NDUFA7: variants seen among roughly 807,000 people sequenced by gnomAD.
NDUFA7 encodes NADH:ubiquinone oxidoreductase subunit A7.
Under a neutral mutation model 14.2 loss-of-function variants are expected in NDUFA7, and 18 were observed. That is an observed-to-expected ratio of 1.27 (90% CI 0.88 to 1.88). The LOEUF (loss-of-function observed/expected upper bound fraction) is 1.88. NDUFA7 is among the 40% of genes most tolerant of loss of function. NDUFA7 has a pLI of 0.00. For missense variants in NDUFA7, 172 were observed against 147.3 expected, an observed-to-expected ratio of 1.17 and a Z score of -0.87; for synonymous variants, 75 against 62.1, an observed-to-expected ratio of 1.21 and a Z score of -0.98.
chr19:8,320,372 G>C (rs1335056390), intron 2 of NDUFA7, among the ~76,000 whole-genome samples: 1 of 152,154 alleles, frequency 6.6e-6, no homozygotes, highest in African/African-American at 2.4e-5. Flanking sequence ...TGGCGTCCAT[G>C]AAAGAATGTG....
rs35669830 is a variant in NDUFA7 at position 8,311,320 on chromosome 19, G to A, written c.*185C>T. 6,632 of 439,082 alleles carry A rather than the reference G, an allele frequency of 0.015. 78 individuals are homozygous for A. Among genetic ancestry groups the A allele is most frequent in the Middle Eastern group, 0.029 (45 of 1,528 alleles). The allele number at this position is 439,082 out of a possible 1,614,324, so 27.2% of individuals were successfully genotyped here. ...TTTGGGAGGTCAAGGCAGGAGGATC[G>A]CTTGAGGCCAGGAGTTCAAGATCAG... On this transcript the variant is annotated 3_prime_UTR_variant, in exon 4 of 4. Coordinates refer to ENST00000301457, the MANE Select transcript of NDUFA7 (RefSeq NM_005001.5).
intron 2 of NDUFA7, among the ~76,000 whole-genome samples, chr19:8,319,995 G>A (rs1406309284): frequency 3.9e-5 from 6 of 151,972 alleles, no homozygotes; most frequent in Admixed American, 6.6e-5. Flanking sequence ...ACCCGCGCGC[G>A]CCACCACGCC....
chr19:8,309,001 G>T, downstream of NDUFA7: 1 of 151,332 alleles, frequency 6.6e-6, no homozygotes, highest in South Asian at 2.1e-4. Context: ...CGGGCAGATC[G>T]CTTGAGCCCA....
At chr19:8,320,234 A>T (rs1029594930) in intron 2 of NDUFA7, among the ~76,000 whole-genome samples, 1 of 152,178 alleles carries the variant, frequency 6.6e-6, no homozygotes, top group Non-Finnish European at 1.5e-5. Flanking sequence ...CCAAAGAAAG[A>T]TCTTTCCCAA....
At chr19:8,310,029 C>T (rs1053573417), downstream of NDUFA7, among the ~76,000 whole-genome samples, 11 of 152,204 alleles carry the variant, frequency 7.2e-5, no homozygotes, top group Non-Finnish European at 1.6e-4. Flanking sequence ...CCCTTACTGT[C>T]CTCTGCCTTC....
At chr19:8,314,385 C>A (rs1018611566) in intron 3 of NDUFA7, among the ~76,000 whole-genome samples, 3 of 144,592 alleles carry the variant, frequency 2.1e-5, no homozygotes, top group Non-Finnish European at 4.4e-5. Flanking sequence ...TCTCACAGGA[C>A]CCTTGGAGGG....
Position 8,311,408 on chromosome 19 carries a change from ATACCTGAGCTC to A in NDUFA7, c.*86_*96del, listed in dbSNP as rs531933053. The A allele has an allele frequency of 1.1e-4, 104 of 923,176 alleles. No individual in the cohort carries two copies. Among genetic ancestry groups the A allele is most frequent in the Non-Finnish European group, 1.4e-4 (88 of 607,016 alleles). 57.2% of individuals were successfully genotyped at this position (923,176 alleles called of 1,614,324 possible). On this transcript the variant is annotated 3_prime_UTR_variant, in exon 4 of 4. Coordinates refer to ENST00000301457, the MANE Select transcript of NDUFA7 (RefSeq NM_005001.5). ...ATTTTTTAAAGTAAAACTAGAAGTG[ATACCTGAGCTC>A]TACGTATTTGTCATAAATTAGGTCA...
At chr19:8,321,006 A>C (rs1970299520) in intron 1 of NDUFA7, 100 bp from the exon 2 acceptor site, 16 of 1,345,710 alleles carry the variant, frequency 1.2e-5, no homozygotes, top group Non-Finnish European at 1.6e-5. Flanking sequence ...GCGCATTTTA[A>C]GGGAAGGCAG....
intron 2 of NDUFA7, among the ~76,000 whole-genome samples, chr19:8,320,518 C>G (rs1970289914): frequency 6.6e-6 from 1 of 152,190 alleles, no homozygotes; most frequent in Admixed American, 6.6e-5. Flanking sequence ...TCCCCGCTGC[C>G]ACTTTTTAGC....
Position 8,320,924 on chromosome 19 carries a change from G to C in NDUFA7, c.52-18C>G. The C allele has an allele frequency of 6.2e-7, 1 of 1,613,720 alleles. No homozygotes were observed. Among genetic ancestry groups the C allele is most frequent in the Non-Finnish European group, 8.5e-7 (1 of 1,179,994 alleles). ...AGGTCATGCTGTGGGAAGAGGAGAG[G>C]AGAGGTCGGCCTGCAAGGCACCCCA... is the stretch of plus-strand genomic sequence containing the variant. On this transcript the variant is annotated intron_variant, in intron 1 of 3. Transcript: ENST00000301457.
In NDUFA7 at chr19:8,321,288, G is replaced by C; in HGVS notation, c.51+20C>G. Reference sequence around the variant, plus strand: ...GGAGCCCGAAGCCCCCCATGGTGCAGCCCTGTCCGCCCCGCGCACCCCGGA... The same window carrying C: ...GGAGCCCGAAGCCCCCCATGGTGCACCCCTGTCCGCCCCGCGCACCCCGGA... On this transcript the variant is annotated intron_variant, in intron 1 of 3. Coordinates refer to ENST00000301457, the MANE Select transcript of NDUFA7 (RefSeq NM_005001.5). The C allele has an allele frequency of 1.3e-6, 2 of 1,557,012 alleles. No homozygotes were observed. Among genetic ancestry groups the C allele is most frequent in the Non-Finnish European group, 1.7e-6 (2 of 1,154,432 alleles).
intron 3 of NDUFA7, among the ~76,000 whole-genome samples, chr19:8,315,156 G>T (rs1422102079): frequency 6.6e-6 from 1 of 152,188 alleles, no homozygotes; most frequent in Admixed American, 6.5e-5. Flanking sequence ...AGGCCACAGG[G>T]TTCCCTGCCT....
intron 2 of NDUFA7, 127 bp from the exon 3 acceptor site, chr19:8,316,772 G>A (rs1199067644): frequency 7.6e-6 from 9 of 1,178,900 alleles, no homozygotes; most frequent in African/African-American, 1.5e-5. Context: ...GCCACAGGCT[G>A]GGGGTGTCCC....
At position 8,321,213 on chromosome 19, in the gene NDUFA7, G is replaced by C. The variant is rs966682085; in HGVS notation, c.51+95C>G. 2.3e-5 allele frequency: 31 copies of C among 1,369,438 alleles called. No homozygotes were observed. In the East Asian group the frequency reaches 7.3e-4, roughly 32 times the overall value. 84.8% of individuals were successfully genotyped at this position (1,369,438 alleles called of 1,614,324 possible). On this transcript the variant is annotated intron_variant, in intron 1 of 3. Coordinates refer to ENST00000301457, the MANE Select transcript of NDUFA7 (RefSeq NM_005001.5). The stretch of plus-strand genomic sequence containing the variant: ...CCAGGGAGATTCGGGGAGAGCGAAG[G>C]GTCCCGGCTTAGGAGGGAGGTGAGG...
intron 3 of NDUFA7, among the ~76,000 whole-genome samples, chr19:8,314,713 A>T (rs1179127838): frequency 6.6e-6 from 1 of 152,236 alleles, no homozygotes; most frequent in Admixed American, 6.5e-5. Flanking sequence ...GGAGATCAAG[A>T]CCATCCTGGC....
At chr19:8,309,373 C>G (rs927057835), downstream of NDUFA7, among the ~76,000 whole-genome samples, 1 of 151,776 alleles carries the variant, frequency 6.6e-6, no homozygotes, top group African/African-American at 2.4e-5. Context: ...ACTAGGGAGG[C>G]TGAGATGGGA....
At chr19:8,309,374 TGA>T (rs1970147353), downstream of NDUFA7, among the ~76,000 whole-genome samples, 1 of 151,686 alleles carries the variant, frequency 6.6e-6, no homozygotes, top group African/African-American at 2.4e-5. Context: ...CTAGGGAGGC[TGA>T]GATGGGAGAA....
At chr19:8,310,339 G>T (rs896763821), downstream of NDUFA7, among the ~76,000 whole-genome samples, 1 of 151,852 alleles carries the variant, frequency 6.6e-6, no homozygotes, top group Non-Finnish European at 1.5e-5. Context: ...TGAGGCAAGA[G>T]AATCACTTGA....
At chr19:8,313,567 C>T (rs1970202758) in intron 3 of NDUFA7, among the ~76,000 whole-genome samples, 2 of 152,222 alleles carry the variant, frequency 1.3e-5, no homozygotes, top group East Asian at 1.9e-4. Context: ...CCCTGCCTGA[C>T]CTCATCACCT....
Sources: allele counts gnomAD v4.1 joint callset (sites outside exome capture counted in the v4.1 genomes callset), GRCh38; gene constraint gnomAD v4.1.1; transcripts MANE v1.5; gene names NCBI Gene and HGNC (gene_info 2026-07-23, HGNC 2026-07-21).